The following UBXN8 variants were observed in gnomAD, a reference collection of about 807,000 sequenced individuals.
UBXN8 encodes UBX domain-containing protein 8.
Under a neutral mutation model 32.1 loss-of-function variants are expected in UBXN8, and 27 were observed. The ratio of observed to expected loss-of-function variants is 0.84; its 90% confidence interval spans 0.62 to 1.16. The LOEUF is 1.16. Among genes scored for constraint, UBXN8 ranks in the 50% most tolerant of loss-of-function variants. The pLI, the probability that UBXN8 is intolerant of heterozygous loss-of-function variation, is 0.00. For synonymous variants in UBXN8, 109 were observed against 111.8 expected (o/e 0.98, Z 0.16); for missense variants, 306 against 311.4 (o/e 0.98, Z 0.13).
At chr8:30,764,485 G>A (rs1160113039) in intron 7 of UBXN8, among the ~76,000 whole-genome samples, 1 of 152,148 alleles carries the variant, frequency 6.6e-6, no homozygotes, top group African/African-American at 2.4e-5. Context: ...TACTATTTAT[G>A]TATGATAGTT....
chr8:30,738,059 G>C (rs562700421), intron 1 of UBXN8, among the ~76,000 whole-genome samples: 7 of 147,964 alleles, frequency 4.7e-5, no homozygotes, highest in South Asian at 2.1e-4. Flanking sequence ...AGGAGTTGAA[G>C]ACCAGCCTGA....
upstream of UBXN8, among the ~76,000 whole-genome samples, chr8:30,739,959 T>C (rs1805161514): frequency 2.0e-5 from 3 of 152,330 alleles, no homozygotes; most frequent in South Asian, 6.2e-4. Context: ...TGGAGTGCAG[T>C]GTCACAAACA....
At position 30,766,391 on chromosome 8, in the gene UBXN8, C is replaced by G; in HGVS notation, c.810C>G (p.Asn270Lys). Residue 270 changes from asparagine (N) to lysine (K), a missense_variant, in exon 8 of 8, where the codon AAC becomes AAG. Physicochemically the swap from Asn to Lys is moderately conservative, Grantham distance 94 (BLOSUM62 0). Transcript: ENST00000265616. ...VLILEEKEQT[N>K] Reference sequence around the variant, plus strand: ...TCCTGGAGGAGAAGGAGCAGACCAACTAGGAAAGAAGGGAGAGCTCCCTGT... The same window carrying G: ...TCCTGGAGGAGAAGGAGCAGACCAAGTAGGAAAGAAGGGAGAGCTCCCTGT... The G allele has an allele frequency of 6.3e-7, 1 of 1,597,496 alleles. No individual in the cohort carries two copies. Among genetic ancestry groups the G allele is most frequent in the Non-Finnish European group, 8.5e-7 (1 of 1,170,862 alleles).
upstream of UBXN8, among the ~76,000 whole-genome samples, chr8:30,741,257 G>A (rs2128752356): frequency 6.6e-6 from 1 of 152,184 alleles, no homozygotes; most frequent in Admixed American, 6.5e-5. Context: ...ATGGTGACAT[G>A]TGCCTGCAGT....
At chr8:30,758,956 T>G (rs1247363333) in intron 5 of UBXN8, among the ~76,000 whole-genome samples, 8 of 141,392 alleles carry the variant, frequency 5.7e-5, no homozygotes, top group Admixed American at 1.5e-4. Context: ...TGCAGTGGCG[T>G]GATCTCGGCT....
chr8:30,750,511 G>A (rs934578641), intron 1 of UBXN8, among the ~76,000 whole-genome samples: 6 of 151,500 alleles, frequency 4.0e-5, no homozygotes, highest in Admixed American at 2.0e-4. Context: ...GGTGGCTCAC[G>A]CTTGTAATCC....
chr8:30,766,337 C>G lies in UBXN8; in HGVS notation c.756C>G (p.Asp252Glu). 6.2e-7 allele frequency: 1 copy of G among 1,613,624 alleles called. No individual in the cohort carries two copies. Among genetic ancestry groups the G allele is most frequent in the Non-Finnish European group, 8.5e-7 (1 of 1,179,702 alleles). The change falls in exon 8 of 8, where the codon GAC becomes GAG. Residue 252 changes from aspartate (D) to glutamate (E), a missense_variant. By Grantham distance (45) the Asp-to-Glu change is conservative. Transcript: ENST00000265616. Reference sequence around the variant, plus strand: ...TGGAGGGAGGCCAGTCGCTGGAGGACATAGGAATAACTGTGGACACTGTAC... The same window carrying G: ...TGGAGGGAGGCCAGTCGCTGGAGGAGATAGGAATAACTGTGGACACTGTAC... ...LAVEGGQSLEDIGITVDTVLI... is the reference protein window; with the variant it reads ...LAVEGGQSLEEIGITVDTVLI...
chr8:30,732,398 C>T (rs1043736925), upstream of UBXN8: 2 of 395,920 alleles, frequency 5.1e-6, no homozygotes, highest in East Asian at 3.6e-5. Context: ...TACTATCCGA[C>T]GGGGAGTGCA....
intron 1 of UBXN8, among the ~76,000 whole-genome samples, chr8:30,746,025 A>G (rs962697594): frequency 6.6e-6 from 1 of 152,198 alleles, no homozygotes; most frequent in Non-Finnish European, 1.5e-5. Context: ...TGCTGGGATT[A>G]TAGGTGTGAG....
chr8:30,743,382 C>G (rs3757921), upstream of UBXN8, among the ~76,000 whole-genome samples: 16,116 of 150,582 alleles, frequency 0.11, 930 homozygotes, highest in South Asian at 0.15. Context: ...TCTGGAACTC[C>G]TGACCTTGTG....
chr8:30,730,106 G>A (rs1401850640), upstream of UBXN8, among the ~76,000 whole-genome samples: 4 of 152,170 alleles, frequency 2.6e-5, no homozygotes, highest in Non-Finnish European at 4.4e-5. Flanking sequence ...TTGTGCCTCC[G>A]CAAGACAAAC....
rs1805908593 is a variant in UBXN8, at chr8:30,763,305, G to T, written c.603G>T (p.Gly201=). The T allele has an allele frequency of 1.2e-6, 2 of 1,613,840 alleles. No homozygotes were observed. The highest frequency in any genetic ancestry group is 1.7e-6 in the Non-Finnish European group (2 of 1,179,720). ...CTGTTGCTCTCCGATGTCCCAGTGGGAATGTCCTGAGGAGAAGGTTTTTGA... is the reference window on the plus strand; with the variant it reads ...CTGTTGCTCTCCGATGTCCCAGTGGTAATGTCCTGAGGAGAAGGTTTTTGA... ...VVTVALRCPS[G]NVLRRRFLKS... is the part of the protein sequence containing the mutation. Residue 201 remains glycine, a synonymous_variant, in exon 7 of 8, where the codon GGG becomes GGT. Transcript: ENST00000265616.
At chr8:30,739,909 C>T (rs73247222), upstream of UBXN8, among the ~76,000 whole-genome samples, 38,313 of 151,622 alleles carry the variant, frequency 0.25, 5,542 homozygotes, top group African/African-American at 0.41. Context: ...ATGCTTTTTG[C>T]TTTTTGTTTT....
At chr8:30,761,409 T>C (rs1412097315) in intron 6 of UBXN8, among the ~76,000 whole-genome samples, 1 of 152,124 alleles carries the variant, frequency 6.6e-6, no homozygotes, top group Admixed American at 6.6e-5. Flanking sequence ...CACATCGGGC[T>C]AGTTTTTGTA....
intron 1 of UBXN8, among the ~76,000 whole-genome samples, chr8:30,739,075 A>G (rs1181534307): frequency 1.3e-5 from 2 of 150,712 alleles, no homozygotes; most frequent in Non-Finnish European, 3.0e-5. Flanking sequence ...ATGGAGGGGG[A>G]AAAAAGGAGA....
At chr8:30,754,929 G>T in intron 4 of UBXN8, 142 bp downstream of exon 4, 47 of 784,572 alleles carry the variant, frequency 6.0e-5, no homozygotes, top group South Asian at 1.5e-4. Context: ...CAGCATACTT[G>T]TTTATTACAT....
chr8:30,751,622 T>G (rs557661678), intron 2 of UBXN8, 104 bp downstream of exon 2: 1 of 964,462 alleles, frequency 1.0e-6, no homozygotes, highest in South Asian at 2.2e-5. Context: ...TTGTGATGTG[T>G]AGTTTCAGGG....
In UBXN8 at chr8:30,766,569, A is replaced by C; in HGVS notation, c.*175A>C. 1 of 548,524 alleles carries C rather than the reference A, an allele frequency of 1.8e-6. No homozygotes were observed. The highest frequency in any genetic ancestry group is 2.8e-6 in the Non-Finnish European group (1 of 353,818). The allele number at this position is 548,524 out of a possible 1,614,324, so 34.0% of individuals were successfully genotyped here. ...AAAGGATTGCTTTCTATATATAATA[A>C]TCTGTGGACTGTGCCATTTTACAGT... On this transcript the variant is annotated 3_prime_UTR_variant, in exon 8 of 8. Coordinates refer to ENST00000265616, the MANE Select transcript of UBXN8 (RefSeq NM_005671.4).
Position 30,766,873 on chromosome 8 carries a change from C to CATTA in UBXN8, c.*480_*483dup, listed in dbSNP as rs1256222418. 1 of 152,216 alleles carries CATTA rather than the reference C, an allele frequency of 6.6e-6. No individual in the cohort carries two copies. Among genetic ancestry groups the CATTA allele is most frequent in the African/African-American group, 2.4e-5 (1 of 41,446 alleles). 9.4% of individuals were successfully genotyped at this position (152,216 alleles called of 1,614,324 possible). The stretch of plus-strand genomic sequence containing the variant: ...TTTAAAGTTCTTTCTGTTGGGTGTG[C>CATTA]ATTACAGTTTACTTAACTGATGTTT... On this transcript the variant is annotated 3_prime_UTR_variant, in exon 8 of 8. Coordinates refer to ENST00000265616, the MANE Select transcript of UBXN8 (RefSeq NM_005671.4).
Sources: allele counts gnomAD v4.1 joint callset (sites outside exome capture counted in the v4.1 genomes callset), GRCh38; gene constraint gnomAD v4.1.1; transcripts MANE v1.5; gene names NCBI Gene and HGNC (gene_info 2026-07-23, HGNC 2026-07-21).